The following DLG2 variants were observed in gnomAD, a reference collection of about 807,000 sequenced individuals.
DLG2 encodes the protein discs large MAGUK scaffold protein 2, also known as disks large homolog 2.
A neutral mutation model predicts 132.5 loss-of-function variants in DLG2; 45 were observed. That is an observed-to-expected ratio of 0.34 (90% confidence interval 0.27 to 0.44). DLG2 has a LOEUF of 0.44. Among genes scored for constraint, DLG2 ranks in the 20% least tolerant of loss-of-function variants. The pLI, the probability that DLG2 is intolerant of heterozygous loss-of-function variation, is 1.00. For synonymous variants in DLG2, 424 were observed against 419.6 expected, an observed-to-expected ratio of 1.01 and a Z score of -0.13; for missense variants, 1,045 against 1,196.9, an observed-to-expected ratio of 0.87 and a Z score of 1.87.
chr11:85,118,173 A>G (rs1408774733), intron 5 of DLG2, among the ~76,000 whole-genome samples: 1 of 152,048 alleles, frequency 6.6e-6, no homozygotes, highest in Admixed American at 6.6e-5. Flanking sequence ...AAGTTGGCCT[A>G]ATTTGTTTCT....
chr11:84,867,414 T>A (rs560629793), intron 6 of DLG2, among the ~76,000 whole-genome samples: 1 of 152,258 alleles, frequency 6.6e-6, no homozygotes, highest in Admixed American at 6.5e-5. Flanking sequence ...AATTTCCAGG[T>A]AAGTAATCTT....
At position 84,734,709 on chromosome 11, in the gene DLG2, T is replaced by G. The variant is rs1596856784; in HGVS notation, c.358-199978A>C. Among the ~76,000 whole-genome samples, 4 of 152,310 alleles carry G rather than the reference T, an allele frequency of 2.6e-5. No individual in the cohort carries two copies. In the South Asian group the frequency reaches 6.2e-4, roughly 24 times the overall value. ...AGTGGTGAGAGAGGGCATCCCTGTC[T>G]TGTGCCAGTTTTCAAAGGGAATGTT... On this transcript the variant is annotated intron_variant, in intron 6 of 27. Transcript: ENST00000376104.
chr11:84,281,433 T>C (rs565566389), intron 7 of DLG2, among the ~76,000 whole-genome samples: 2 of 152,284 alleles, frequency 1.3e-5, no homozygotes, highest in African/African-American at 4.8e-5. Flanking sequence ...CTCTTTTTTT[T>C]TGTCTTTTTT....
At chr11:84,653,352 C>A (rs1287585549) in intron 6 of DLG2, among the ~76,000 whole-genome samples, 1 of 152,174 alleles carries the variant, frequency 6.6e-6, no homozygotes, top group Non-Finnish European at 1.5e-5. Context: ...TTACATTAAA[C>A]TGAAATGATT....
At chr11:84,376,257 C>T (rs988228089) in intron 7 of DLG2, among the ~76,000 whole-genome samples, 2 of 151,770 alleles carry the variant, frequency 1.3e-5, no homozygotes, top group Non-Finnish European at 2.9e-5. Flanking sequence ...TGTCTTATTA[C>T]CCATATTAGT....
chr11:84,448,136 A>G (rs1249121007), intron 7 of DLG2, among the ~76,000 whole-genome samples: 1 of 152,114 alleles, frequency 6.6e-6, no homozygotes, highest in Non-Finnish European at 1.5e-5. Context: ...ACAGACATTT[A>G]AACACCACTC....
At chr11:84,524,877 A>C (rs1430443282) in intron 7 of DLG2, among the ~76,000 whole-genome samples, 1 of 151,890 alleles carries the variant, frequency 6.6e-6, no homozygotes, top group Non-Finnish European at 1.5e-5. Flanking sequence ...AAATTAATCA[A>C]ATACGTATTT....
chr11:85,338,425 T>A (rs1596343673), intron 3 of DLG2, among the ~76,000 whole-genome samples: 1 of 152,316 alleles, frequency 6.6e-6, no homozygotes, highest in East Asian at 1.9e-4. Flanking sequence ...TTCTTTTCTT[T>A]CCCATCCACT....
chr11:84,797,773 T>G lies in DLG2; in HGVS notation c.358-263042A>C, dbSNP rs534329157. Among the ~76,000 whole-genome samples, 157 of 152,312 alleles carry G rather than the reference T, an allele frequency of 1.0e-3. 1 individual carries two copies. The highest frequency in any genetic ancestry group is 3.7e-3 in the African/African-American group (152 of 41,566). On this transcript the variant is annotated intron_variant, in intron 6 of 27. Transcript: ENST00000376104. ...TGGAGGTTTTGATGTTTATGGATGT[T>G]TGTCATTGTCTGGGCATTGAAGAGC...
Position 85,260,691 on chromosome 11 carries a change from T to C in DLG2, c.186+24529A>G, listed in dbSNP as rs1400924816. Reference sequence around the variant, plus strand: ...ACTTCTATGCAGGAGATGGGCTTGGTTGTGTCTCTCTTGGCCATTCTGGTC... The same window carrying C: ...ACTTCTATGCAGGAGATGGGCTTGGCTGTGTCTCTCTTGGCCATTCTGGTC... On this transcript the variant is annotated intron_variant, in intron 4 of 27. Transcript: ENST00000376104. 4.6e-5 allele frequency among the ~76,000 whole-genome samples: 7 copies of C among 152,334 alleles called. No homozygotes were observed. The South Asian group carries it at 8.3e-4, about 18-fold the overall frequency.
intron 6 of DLG2, among the ~76,000 whole-genome samples, chr11:84,951,208 T>C (rs1361130521): frequency 6.6e-6 from 1 of 152,218 alleles, no homozygotes; most frequent in Non-Finnish European, 1.5e-5. Flanking sequence ...TCTCATAATA[T>C]GCTAGAAATC....
Position 84,516,594 on chromosome 11 carries a change from G to C in DLG2, c.519+17976C>G, listed in dbSNP as rs536005750. 5.3e-5 allele frequency among the ~76,000 whole-genome samples: 8 copies of C among 151,456 alleles called. No individual in the cohort carries two copies. In the East Asian group the frequency reaches 1.5e-3, roughly 29 times the overall value. Reference sequence around the variant, plus strand: ...AAAGTCTTCCATTAAAGAAAGCCCAGAATCTGATGCCTTTAGTGTCTAATT... The same window carrying C: ...AAAGTCTTCCATTAAAGAAAGCCCACAATCTGATGCCTTTAGTGTCTAATT... On this transcript the variant is annotated intron_variant, in intron 7 of 27. Coordinates refer to ENST00000376104, the MANE Select transcript of DLG2 (RefSeq NM_001142699.3).
chr11:83,826,941 AG>A (rs2052992554), intron 17 of DLG2, among the ~76,000 whole-genome samples: 1 of 152,168 alleles, frequency 6.6e-6, no homozygotes, highest in Admixed American at 6.5e-5. Context: ...AACACTGCAT[AG>A]GCCCCAGATC....
chr11:83,534,485 C>G (rs1203854975), intron 20 of DLG2, among the ~76,000 whole-genome samples: 1 of 152,208 alleles, frequency 6.6e-6, no homozygotes, highest in Non-Finnish European at 1.5e-5. Flanking sequence ...TCCTTTCTAA[C>G]TGAGAGCTCT....
chr11:84,544,620 T>C (rs1436112362), intron 6 of DLG2, among the ~76,000 whole-genome samples: 1 of 152,358 alleles, frequency 6.6e-6, no homozygotes, highest in East Asian at 1.9e-4. Context: ...TTATACTACT[T>C]GCTATCTGGG....
At chr11:84,441,929 G>C (rs1318739258) in intron 7 of DLG2, among the ~76,000 whole-genome samples, 1 of 152,156 alleles carries the variant, frequency 6.6e-6, no homozygotes, top group Non-Finnish European at 1.5e-5. Context: ...GAAGGTTGTA[G>C]ATGTGTGGTG....
chr11:84,090,760 A>G (rs142307542), intron 10 of DLG2, among the ~76,000 whole-genome samples: 26 of 152,340 alleles, frequency 1.7e-4, no homozygotes, highest in Non-Finnish European at 2.9e-4. Context: ...CAGAAATTCT[A>G]TAGTAGAAAT....
chr11:83,525,651 T>A (rs1218552756), intron 21 of DLG2, among the ~76,000 whole-genome samples: 2 of 152,218 alleles, frequency 1.3e-5, no homozygotes, highest in East Asian at 3.8e-4. Context: ...GCCTTCCTGA[T>A]GCCCCCTGGA....
chr11:83,627,899 C>T (rs1293755038), intron 19 of DLG2, among the ~76,000 whole-genome samples: 2 of 152,092 alleles, frequency 1.3e-5, no homozygotes, highest in Non-Finnish European at 2.9e-5. Context: ...TTTTAATGAT[C>T]GCCATTCTAA....
Sources: allele counts gnomAD v4.1 joint callset (sites outside exome capture counted in the v4.1 genomes callset), GRCh38; gene constraint gnomAD v4.1.1; transcripts MANE v1.5; gene names NCBI Gene and HGNC (gene_info 2026-07-23, HGNC 2026-07-21).